Variants in CPNE8 observed in about 807,000 individuals in gnomAD.
The protein encoded by CPNE8 is copine 8, also known as copine-8.
A neutral mutation model predicts 81.5 loss-of-function variants in CPNE8; 45 were observed. The observed-to-expected ratio is 0.55, with a 90% CI of 0.44 to 0.71. The LOEUF is 0.71. CPNE8 is among the 30% of genes least tolerant of loss of function. The probability of loss-of-function intolerance (pLI) is 0.00; values close to 1 mark genes in which losing one functional copy is unlikely to be tolerated. For synonymous variants in CPNE8, 252 were observed against 226.3 expected (o/e 1.11, Z -1.02); for missense variants, 594 against 672.1 (o/e 0.88, Z 1.28).
At chr12:38,829,122 C>G (rs1335843722) in intron 6 of CPNE8, among the ~76,000 whole-genome samples, 2 of 152,100 alleles carry the variant, frequency 1.3e-5, no homozygotes, top group African/African-American at 2.4e-5. Context: ...ATTAATAGTA[C>G]AACCAAAAGA....
intron 1 of CPNE8, among the ~76,000 whole-genome samples, chr12:38,875,696 C>A (rs191930599): frequency 5.8e-4 from 89 of 152,218 alleles, no homozygotes; most frequent in Middle Eastern, 3.4e-3. Context: ...CAAACCAATG[C>A]AGCACAAACA....
chr12:38,655,260 A>C (rs1164756810), intron 19 of CPNE8, among the ~76,000 whole-genome samples: 1 of 152,180 alleles, frequency 6.6e-6, no homozygotes, highest in East Asian at 1.9e-4. Context: ...CTCAATACCA[A>C]ATGCTCCTGT....
intron 6 of CPNE8, among the ~76,000 whole-genome samples, chr12:38,808,991 A>T (rs1942879983): frequency 2.8e-5 from 2 of 71,864 alleles, no homozygotes; most frequent in Admixed American, 3.7e-4. Context: ...AAGTTTCAAC[A>T]AAAAGTAAAA....
chr12:38,729,985 G>A (rs930134687), intron 11 of CPNE8, among the ~76,000 whole-genome samples: 2 of 151,852 alleles, frequency 1.3e-5, no homozygotes, highest in African/African-American at 2.4e-5. Context: ...AGAGATGGAA[G>A]AGGAGGTTGG....
intron 13 of CPNE8, among the ~76,000 whole-genome samples, chr12:38,716,987 A>G (rs969010350): frequency 3.3e-5 from 5 of 152,114 alleles, no homozygotes; most frequent in African/African-American, 1.2e-4. Context: ...GGACATGAAT[A>G]CACTGTTCTC....
chr12:38,795,867 GGATA>G (rs11377515), intron 6 of CPNE8, among the ~76,000 whole-genome samples: 300 of 148,256 alleles, frequency 2.0e-3, no homozygotes, highest in Middle Eastern at 0.014. Flanking sequence ...ATGGATGGAT[GGATA>G]GATAGATAGA....
At chr12:38,795,894 TAGATAGA>T (rs1942455609) in intron 6 of CPNE8, among the ~76,000 whole-genome samples, 1 of 152,038 alleles carries the variant, frequency 6.6e-6, no homozygotes, top group African/African-American at 2.4e-5. Context: ...GATAGATAGA[TAGATAGA>T]AGATAGATAA....
chr12:38,813,229 G>A (rs1341066080), intron 6 of CPNE8, among the ~76,000 whole-genome samples: 1 of 152,152 alleles, frequency 6.6e-6, no homozygotes, highest in South Asian at 2.1e-4. Flanking sequence ...ACACAGAAAG[G>A]ACTAATGCAT....
At chr12:38,831,325 C>T (rs935941794) in intron 5 of CPNE8, among the ~76,000 whole-genome samples, 4 of 152,156 alleles carry the variant, frequency 2.6e-5, no homozygotes, top group Admixed American at 2.0e-4. Flanking sequence ...TTCACCAATT[C>T]AGGGACACCA....
chr12:38,852,999 T>G (rs1943670836), intron 3 of CPNE8, among the ~76,000 whole-genome samples: 1 of 152,168 alleles, frequency 6.6e-6, no homozygotes, highest in Admixed American at 6.5e-5. Context: ...AACAAAAAAC[T>G]TTCAGGCAGT....
chr12:38,782,809 T>TGCAATCTTCCCATCTC, intron 6 of CPNE8, among the ~76,000 whole-genome samples: 1 of 152,168 alleles, frequency 6.6e-6, no homozygotes, highest in African/African-American at 2.4e-5. Context: ...GCCTTCCAAG[T>TGCAATCTTCCCATCTC]AGCTAGGAAT....
intron 4 of CPNE8, among the ~76,000 whole-genome samples, chr12:38,843,577 G>C (rs1025065139): frequency 6.6e-6 from 1 of 152,008 alleles, no homozygotes; most frequent in Non-Finnish European, 1.5e-5. Context: ...TAAGCTACGG[G>C]GCCCTGCTGC....
chr12:38,844,277 C>T (rs1419102023), intron 4 of CPNE8, among the ~76,000 whole-genome samples: 1 of 152,054 alleles, frequency 6.6e-6, no homozygotes, highest in African/African-American at 2.4e-5. Flanking sequence ...TCTGAATTAT[C>T]CTCTATCTGG....
chr12:38,656,986 T>G (rs2136630093), intron 19 of CPNE8, among the ~76,000 whole-genome samples: 1 of 152,256 alleles, frequency 6.6e-6, no homozygotes, highest in South Asian at 2.1e-4. Flanking sequence ...GATTTCTGCA[T>G]TTTCAACTGA....
chr12:38,747,212 T>C (rs1420641966), intron 10 of CPNE8, among the ~76,000 whole-genome samples: 2 of 152,234 alleles, frequency 1.3e-5, no homozygotes, highest in Non-Finnish European at 2.9e-5. Flanking sequence ...TTGCCAAAGA[T>C]TTTCTACATA....
intron 5 of CPNE8, among the ~76,000 whole-genome samples, chr12:38,833,407 C>T (rs1943325626): frequency 6.8e-6 from 1 of 147,446 alleles, no homozygotes; most frequent in Admixed American, 6.8e-5. Flanking sequence ...TCTAACAGTC[C>T]AAATGAAGGC....
chr12:38,769,700 A>G (rs1941761285), intron 7 of CPNE8, among the ~76,000 whole-genome samples: 1 of 152,206 alleles, frequency 6.6e-6, no homozygotes, highest in African/African-American at 2.4e-5. Flanking sequence ...ACAATGCATA[A>G]TAGATAAATG....
chr12:38,679,317 C>T (rs1939360555), intron 16 of CPNE8, among the ~76,000 whole-genome samples: 1 of 151,636 alleles, frequency 6.6e-6, no homozygotes, highest in Non-Finnish European at 1.5e-5. Context: ...GAATGTATAC[C>T]TAAGAAAAGG....
At chr12:38,770,027 C>T (rs796673307) in intron 7 of CPNE8, among the ~76,000 whole-genome samples, 12 of 152,288 alleles carry the variant, frequency 7.9e-5, no homozygotes, top group African/African-American at 2.6e-4. Context: ...TTTAGAAATA[C>T]ACTAGCATCA....
Sources: gnomAD v4.1 joint callset for allele counts (sites outside exome capture counted in the v4.1 genomes callset) on GRCh38, gnomAD v4.1.1 for gene constraint, MANE v1.5 for transcripts, NCBI Gene and HGNC (gene_info 2026-07-23, HGNC 2026-07-21) for gene names.